CHCHD6: variants seen among roughly 807,000 people sequenced by gnomAD.
CHCHD6 encodes coiled-coil-helix-coiled-coil-helix domain containing 6, also known as MICOS complex subunit MIC25.
In CHCHD6, 28 loss-of-function variants were observed where a neutral mutation model predicts 32.3. The ratio of observed to expected loss-of-function variants is 0.87; its 90% CI spans 0.64 to 1.19. CHCHD6 has a LOEUF of 1.19. Among genes scored for constraint, CHCHD6 ranks in the 50% most tolerant of loss-of-function variants. The pLI is 0.00. For missense variants in CHCHD6, 333 were observed against 307.0 expected (o/e 1.08, Z -0.63); for synonymous variants, 122 against 117.5 (o/e 1.04, Z -0.25).
At chr3:126,782,054 G>A (rs1223962187) in intron 4 of CHCHD6, among the ~76,000 whole-genome samples, 1 of 152,134 alleles carries the variant, frequency 6.6e-6, no homozygotes, top group East Asian at 1.9e-4. Flanking sequence ...ACTGGAATTT[G>A]GTGGTGGTAG....
intron 5 of CHCHD6, among the ~76,000 whole-genome samples, chr3:126,869,792 C>T (rs1255028321): frequency 6.6e-6 from 1 of 152,142 alleles, no homozygotes; most frequent in Non-Finnish European, 1.5e-5. Context: ...TTTAAAAGCT[C>T]CCCCTTCCCT....
chr3:126,791,822 A>T (rs1268457304), intron 4 of CHCHD6, among the ~76,000 whole-genome samples: 1 of 151,998 alleles, frequency 6.6e-6, no homozygotes. Context: ...TGTTGGCCAG[A>T]CTGGTCTCCA....
intron 4 of CHCHD6, among the ~76,000 whole-genome samples, chr3:126,744,979 C>T (rs1295950628): frequency 6.6e-6 from 1 of 152,186 alleles, no homozygotes; most frequent in Admixed American, 6.5e-5. Flanking sequence ...TGCCTTCAGC[C>T]ATCACATCAA....
intron 4 of CHCHD6, among the ~76,000 whole-genome samples, chr3:126,826,677 T>TTA (rs535851368): frequency 8.4e-4 from 127 of 151,942 alleles, no homozygotes; most frequent in Non-Finnish European, 1.4e-3. Context: ...ATGTAGGATC[T>TTA]TATATATATA....
intron 5 of CHCHD6, 102 bp downstream of exon 5, chr3:126,852,832 T>G: frequency 1.3e-6 from 1 of 777,650 alleles, no homozygotes; most frequent in South Asian, 1.5e-5. Context: ...GCAGACCCAG[T>G]GCCCATTCGC....
intron 4 of CHCHD6, among the ~76,000 whole-genome samples, chr3:126,764,547 C>G (rs1378793595): frequency 6.6e-6 from 1 of 152,234 alleles, no homozygotes; most frequent in Non-Finnish European, 1.5e-5. Context: ...TCCTGCTCCA[C>G]TCCCTGGCTA....
intron 1 of CHCHD6, among the ~76,000 whole-genome samples, chr3:126,722,510 G>A (rs547586664): frequency 2.8e-4 from 42 of 152,146 alleles, no homozygotes; most frequent in African/African-American, 9.9e-4. Flanking sequence ...GGTGTGATGT[G>A]GTACCTTATT....
intron 4 of CHCHD6, among the ~76,000 whole-genome samples, chr3:126,815,946 T>A (rs1939877875): frequency 6.6e-6 from 1 of 152,168 alleles, no homozygotes; most frequent in African/African-American, 2.4e-5. Context: ...CTGTGCTTTG[T>A]TTAGAATGGT....
chr3:126,885,117 C>T (rs2077661895), intron 5 of CHCHD6, among the ~76,000 whole-genome samples: 1 of 152,180 alleles, frequency 6.6e-6, no homozygotes. Flanking sequence ...AGTGCTGTGC[C>T]CATTCCAGGG....
At chr3:126,832,222 A>G (rs1264170863) in intron 4 of CHCHD6, among the ~76,000 whole-genome samples, 1 of 152,186 alleles carries the variant, frequency 6.6e-6, no homozygotes, top group African/African-American at 2.4e-5. Context: ...CTCTGGCTGT[A>G]AGTATCTAAT....
intron 4 of CHCHD6, among the ~76,000 whole-genome samples, chr3:126,842,242 TA>T (rs1013312532): frequency 2.6e-5 from 4 of 151,972 alleles, no homozygotes; most frequent in Admixed American, 6.6e-5. Context: ...GTCTTTTTTT[TA>T]AAAAAAAGAA....
At chr3:126,733,399 C>A (rs1935901660) in intron 4 of CHCHD6, among the ~76,000 whole-genome samples, 177 bp downstream of exon 4, 1 of 152,192 alleles carries the variant, frequency 6.6e-6, no homozygotes, top group South Asian at 2.1e-4. Context: ...TGGGGTTCTC[C>A]CAGCCCTGGC....
intron 4 of CHCHD6, among the ~76,000 whole-genome samples, chr3:126,828,375 A>G (rs1271953849): frequency 6.6e-6 from 1 of 152,170 alleles, no homozygotes; most frequent in African/African-American, 2.4e-5. Flanking sequence ...CTGACTGGGG[A>G]TGCCCAGGCC....
intron 4 of CHCHD6, among the ~76,000 whole-genome samples, chr3:126,750,957 C>G (rs767096215): frequency 2.0e-5 from 3 of 152,168 alleles, no homozygotes; most frequent in Non-Finnish European, 4.4e-5. Flanking sequence ...GTTGGTGCCC[C>G]GTGCTGACCC....
At chr3:126,905,018 G>T (rs115522509) in intron 5 of CHCHD6, among the ~76,000 whole-genome samples, 175 of 152,292 alleles carry the variant, frequency 1.1e-3, no homozygotes, top group Non-Finnish European at 2.2e-3. Flanking sequence ...GCTAGGCCAG[G>T]GGCGGGAGCA....
At chr3:126,751,369 G>A (rs570769285) in intron 4 of CHCHD6, among the ~76,000 whole-genome samples, 3 of 152,090 alleles carry the variant, frequency 2.0e-5, no homozygotes, top group African/African-American at 7.2e-5. Context: ...AGGCGTGATG[G>A]TGTACACCTG....
intron 4 of CHCHD6, among the ~76,000 whole-genome samples, chr3:126,786,627 T>C (rs1208405987): frequency 6.6e-6 from 1 of 152,250 alleles, no homozygotes; most frequent in African/African-American, 2.4e-5. Flanking sequence ...AAATGTCTTC[T>C]TTTGAGAAGT....
intron 5 of CHCHD6, among the ~76,000 whole-genome samples, chr3:126,892,398 T>C (rs181715104): frequency 1.4e-4 from 21 of 152,320 alleles, no homozygotes; most frequent in Middle Eastern, 3.4e-3. Flanking sequence ...TCCAGAACAT[T>C]CTTCCACAGC....
At chr3:126,878,995 G>A (rs1176113191) in intron 5 of CHCHD6, among the ~76,000 whole-genome samples, 3 of 152,210 alleles carry the variant, frequency 2.0e-5, no homozygotes, top group Non-Finnish European at 2.9e-5. Context: ...TCACGCTTGT[G>A]GCAGTGGATG....
Sources: allele counts gnomAD v4.1 joint callset (sites outside exome capture counted in the v4.1 genomes callset), GRCh38; gene constraint gnomAD v4.1.1; transcripts MANE v1.5; gene names NCBI Gene and HGNC (gene_info 2026-07-23, HGNC 2026-07-21).